Variants in POGZ observed in about 807,000 individuals in gnomAD.
POGZ encodes pogo transposable element derived with ZNF domain, also known as pogo transposable element with ZNF domain.
Under a neutral mutation model 134.6 loss-of-function variants are expected in POGZ, and 17 were observed. The ratio of observed to expected loss-of-function variants is 0.13; its 90% CI spans 0.09 to 0.19. The LOEUF is 0.19. POGZ is among the 10% of genes least tolerant of loss of function. The probability of loss-of-function intolerance (pLI) is 1.00; values close to 1 mark genes in which losing one functional copy is unlikely to be tolerated. For synonymous variants in POGZ, 693 were observed against 657.1 expected (o/e 1.05, Z -0.84); for missense variants, 1,306 against 1,769.7 (o/e 0.74, Z 4.70).
intron 1 of POGZ, among the ~76,000 whole-genome samples, chr1:151,456,335 C>G (rs548157746): frequency 6.6e-6 from 1 of 152,260 alleles, no homozygotes; most frequent in African/African-American, 2.4e-5. Context: ...CTCCAGCTGT[C>G]AACTTTTTAA....
At chr1:151,433,924 G>C (rs1163371731) in intron 3 of POGZ, among the ~76,000 whole-genome samples, 6 of 152,144 alleles carry the variant, frequency 3.9e-5, no homozygotes, top group Admixed American at 3.9e-4. Flanking sequence ...TGCACCCGTA[G>C]TCCCAGCTAT....
chr1:151,406,234 G>A lies in POGZ; in HGVS notation c.2801C>T (p.Thr934Ile), dbSNP rs1270191994. Residue 934 changes from threonine (T) to isoleucine (I), a missense_variant, in exon 19 of 19, where the codon ACA becomes ATA. Thr to Ile is a moderately conservative substitution (Grantham distance 89). Coordinates refer to ENST00000271715, the MANE Select transcript of POGZ (RefSeq NM_015100.4). ...PQALALPPLA[T>I]EGAECLNVDD... Reference sequence around the variant, plus strand: ...AACATTCAGACATTCGGCTCCCTCTGTAGCCAGCGGTGGAAGGGCTAAAGC... The same window carrying A: ...AACATTCAGACATTCGGCTCCCTCTATAGCCAGCGGTGGAAGGGCTAAAGC... 1 of 1,614,024 alleles carries A rather than the reference G, an allele frequency of 6.2e-7. No individual in the cohort carries two copies. Among genetic ancestry groups the A allele is most frequent in the East Asian group, 2.2e-5 (1 of 44,896 alleles).
intron 3 of POGZ, among the ~76,000 whole-genome samples, chr1:151,434,179 A>G (rs1659197777): frequency 6.6e-6 from 1 of 152,178 alleles, no homozygotes; most frequent in Non-Finnish European, 1.5e-5. Context: ...GCATGGTGGC[A>G]TATACCTGTA....
chr1:151,458,810 TGC>T (rs1045948430), intron 1 of POGZ, among the ~76,000 whole-genome samples: 3 of 142,430 alleles, frequency 2.1e-5, no homozygotes, highest in East Asian at 4.3e-4. Flanking sequence ...GGGGCGCGAG[TGC>T]GCGCGCGCGC....
chr1:151,450,019 C>A (rs1265625186), intron 1 of POGZ, among the ~76,000 whole-genome samples: 2 of 128,970 alleles, frequency 1.6e-5, no homozygotes, highest in East Asian at 2.9e-4. Flanking sequence ...ACCTGTGAAA[C>A]TTGATTTTTT....
At chr1:151,413,514 A>G (rs1049980015) in intron 10 of POGZ, among the ~76,000 whole-genome samples, 1 of 152,126 alleles carries the variant, frequency 6.6e-6, no homozygotes, top group African/African-American at 2.4e-5. Flanking sequence ...TGTCACTTTA[A>G]TGGAATTAGT....
At chr1:151,426,089 T>C (rs1254238893) in intron 7 of POGZ, 3 of 152,216 alleles carry the variant, frequency 2.0e-5, no homozygotes, top group Non-Finnish European at 2.9e-5. Flanking sequence ...TTGATTTGCA[T>C]TTCCATAATG....
chr1:151,409,297 C>G (rs1654233900), intron 12 of POGZ, among the ~76,000 whole-genome samples: 1 of 152,184 alleles, frequency 6.6e-6, no homozygotes, highest in South Asian at 2.1e-4. Flanking sequence ...AACTTATTAC[C>G]AGTTTCCTGA....
At chr1:151,424,423 G>T in intron 8 of POGZ, 137 bp from the exon 9 acceptor site, 1 of 584,384 alleles carries the variant, frequency 1.7e-6, no homozygotes, top group Non-Finnish European at 2.9e-6. Flanking sequence ...GTTTTTTTTA[G>T]CGTTTCCAAG....
At chr1:151,458,871 G>A (rs1485998480) in intron 1 of POGZ, among the ~76,000 whole-genome samples, 2 of 145,404 alleles carry the variant, frequency 1.4e-5, no homozygotes, top group African/African-American at 4.9e-5. Flanking sequence ...CCGGCAGGCA[G>A]GGACCTCCGC....
chr1:151,434,562 A>G (rs911441758), intron 3 of POGZ, among the ~76,000 whole-genome samples: 4 of 152,222 alleles, frequency 2.6e-5, no homozygotes, highest in Non-Finnish European at 4.4e-5. Context: ...GTTTTCTTCT[A>G]TACTTCAGAC....
rs1653010398 is a variant in POGZ at position 151,403,113 on chromosome 1, G to T, written c.*1689C>A. ...GAGAAGCCCAGATGGATCCTTGGTT[G>T]TTTTCAGATGTCAAAGGTTCACAAA... On this transcript the variant is annotated 3_prime_UTR_variant, in exon 19 of 19. Transcript: ENST00000271715. 2 of 574,274 alleles carry T rather than the reference G, an allele frequency of 3.5e-6. No homozygotes were observed. Among genetic ancestry groups the T allele is most frequent in the Non-Finnish European group, 4.4e-6 (2 of 454,296 alleles). The allele number at this position is 574,274 out of a possible 1,614,324, so 35.6% of individuals were successfully genotyped here. A position where few individuals can be genotyped will look rare whatever the true frequency, so the allele number is the denominator to read the frequency against.
intron 3 of POGZ, among the ~76,000 whole-genome samples, chr1:151,436,975 C>T (rs1343327454): frequency 6.6e-6 from 1 of 152,158 alleles, no homozygotes; most frequent in Non-Finnish European, 1.5e-5. Flanking sequence ...AGGCAGATTA[C>T]TTGAGGTCAG....
intron 3 of POGZ, among the ~76,000 whole-genome samples, chr1:151,434,912 C>CT (rs546277516): frequency 8.7e-4 from 126 of 145,390 alleles, no homozygotes; most frequent in East Asian, 1.0e-3. Context: ...TTCATTCTTT[C>CT]TTTTTTTTTT....
intron 10 of POGZ, among the ~76,000 whole-genome samples, chr1:151,414,408 T>A (rs566244889): frequency 6.6e-6 from 1 of 152,244 alleles, no homozygotes; most frequent in Non-Finnish European, 1.5e-5. Context: ...ATTTATCAGC[T>A]CTATTTTCAC....
At chr1:151,425,982 G>T (rs1016652978) in intron 7 of POGZ, among the ~76,000 whole-genome samples, 1 of 152,052 alleles carries the variant, frequency 6.6e-6, no homozygotes, top group Non-Finnish European at 1.5e-5. Flanking sequence ...AGTGCGTAAG[G>T]GTTCTGCTTT....
At chr1:151,432,778 A>G (rs1364834091) in intron 3 of POGZ, among the ~76,000 whole-genome samples, 1 of 152,228 alleles carries the variant, frequency 6.6e-6, no homozygotes, top group Non-Finnish European at 1.5e-5. Flanking sequence ...GAACTTCAAA[A>G]AAAGATAAAA....
Position 151,404,724 on chromosome 1 carries a change from GCC to G in POGZ, c.*76_*77del, listed in dbSNP as rs1047256996. On this transcript the variant is annotated 3_prime_UTR_variant, in exon 19 of 19. Coordinates refer to ENST00000271715, the MANE Select transcript of POGZ (RefSeq NM_015100.4). ...AGAAACCAAATACCCCACCTGGTAT[GCC>G]CCCTTTTCCCTAAGCCCCTTTACCC... The G allele has an allele frequency of 7.4e-6, 11 of 1,490,786 alleles. No individual in the cohort carries two copies. The highest frequency in any genetic ancestry group is 9.8e-6 in the Non-Finnish European group (11 of 1,122,064). The allele number at this position is 1,490,786 out of a possible 1,614,324, so 92.3% of individuals were successfully genotyped here.
chr1:151,406,692 A>C lies in POGZ; in HGVS notation c.2546-61T>G. The C allele has an allele frequency of 2.1e-6, 3 of 1,415,842 alleles. No individual in the cohort carries two copies. The South Asian group carries it at 3.6e-5, about 17-fold the overall frequency. The allele number at this position is 1,415,842 out of a possible 1,614,324, so 87.7% of individuals were successfully genotyped here. A position where few individuals can be genotyped will look rare whatever the true frequency, so the allele number is the denominator to read the frequency against. On this transcript the variant is annotated intron_variant, in intron 17 of 18. Coordinates refer to ENST00000271715, the MANE Select transcript of POGZ (RefSeq NM_015100.4). ...GTGAAAAAATAAGCCCTCCAAAGAC[A>C]GTGCCCTGGGATTCAACTTACTACA...
Sources: gnomAD v4.1 joint callset for allele counts (sites outside exome capture counted in the v4.1 genomes callset) on GRCh38, gnomAD v4.1.1 for gene constraint, MANE v1.5 for transcripts, NCBI Gene and HGNC (gene_info 2026-07-23, HGNC 2026-07-21) for gene names.